Variants in DNAH17 observed in about 807,000 individuals in gnomAD.
The protein encoded by DNAH17 is axonemal beta dynein heavy chain 17.
Under a neutral mutation model 485.6 loss-of-function variants are expected in DNAH17, and 376 were observed. The observed-to-expected ratio is 0.77, with a 90% confidence interval of 0.71 to 0.84. The LOEUF is 0.84. Among genes scored for constraint, DNAH17 ranks in the 40% least tolerant of loss-of-function variants. The pLI, the probability that DNAH17 is intolerant of heterozygous loss-of-function variation, is 0.00. For synonymous variants in DNAH17, 3,031 were observed against 2,405.9 expected (o/e 1.26, Z -7.60); for missense variants, 6,370 against 5,839.3 (o/e 1.09, Z -2.96).
At position 78,437,697 on chromosome 17, in the gene DNAH17, C is replaced by A; in HGVS notation, c.11977G>T (p.Glu3993Ter). Residue 3993 changes from glutamate (E) to a stop codon, truncating the protein, a stop_gained, in exon 74 of 81, where the codon GAG (glutamate) becomes TAG (stop). Coordinates refer to ENST00000389840, the MANE Select transcript of DNAH17 (RefSeq NM_173628.4). LOFTEE classifies it high-confidence loss of function. ...TTGGCGTGCATGCCCGTGGGGGGCT[C>A]GTTGGTGATCTTGATGGCGTTCTCC... ...ILENAIKITN[E>*]PPTGMHANLH... The A allele has an allele frequency of 6.2e-7, 1 of 1,612,026 alleles. No individual in the cohort carries two copies. Among genetic ancestry groups the A allele is most frequent in the Non-Finnish European group, 8.5e-7 (1 of 1,179,560 alleles).
rs935241736 is a variant in DNAH17 at position 78,569,270 on chromosome 17, G to C, written c.1198-18C>G. 3 of 1,599,102 alleles carry C rather than the reference G, an allele frequency of 1.9e-6. No homozygotes were observed. The highest frequency in any genetic ancestry group is 2.7e-5 in the African/African-American group (2 of 74,696). On this transcript the variant is annotated intron_variant, in intron 8 of 80. Coordinates refer to ENST00000389840, the MANE Select transcript of DNAH17 (RefSeq NM_173628.4). ...TCTTTGTCCTTAGAGGAGAGAAAGAGAGATGAGGCCACGTTTGCTTCAAAT... is the reference window on the plus strand; with the variant it reads ...TCTTTGTCCTTAGAGGAGAGAAAGACAGATGAGGCCACGTTTGCTTCAAAT...
chr17:78,551,750 T>C, intron 15 of DNAH17, 112 bp from the exon 16 acceptor site: 1 of 979,442 alleles, frequency 1.0e-6, no homozygotes. Context: ...AATCACGAGG[T>C]CGGGAGTTCG....
chr17:78,523,594 G>A (rs1028936902), intron 25 of DNAH17, among the ~76,000 whole-genome samples: 2 of 152,206 alleles, frequency 1.3e-5, no homozygotes, highest in African/African-American at 2.4e-5. Flanking sequence ...GTTCACCAAG[G>A]AGGATATATA....
intron 31 of DNAH17, 83 bp from the exon 32 acceptor site, chr17:78,503,094 G>A (rs1261062786): frequency 2.2e-6 from 3 of 1,369,280 alleles, no homozygotes; most frequent in African/African-American, 1.5e-5. Flanking sequence ...TTGTTGTAAA[G>A]AAAAACATTT....
chr17:78,472,286 T>TAGGGTTAGGGAGTGGGGGTGCG (rs1225573580), intron 54 of DNAH17, among the ~76,000 whole-genome samples: 4 of 143,544 alleles, frequency 2.8e-5, no homozygotes, highest in South Asian at 2.1e-4. Flanking sequence ...GTGCGAGGGT[T>TAGGGTTAGGGAGTGGGGGTGCG]AGGGTTAGGG....
intron 56 of DNAH17, among the ~76,000 whole-genome samples, chr17:78,463,306 T>C (rs2088235668): frequency 1.3e-5 from 2 of 152,202 alleles, no homozygotes; most frequent in African/African-American, 2.4e-5. Flanking sequence ...CAGAGCTTAT[T>C]ATCATTATCT....
At chr17:78,434,294 A>T in intron 74 of DNAH17, 74 bp from the exon 75 acceptor site, 1 of 1,434,374 alleles carries the variant, frequency 7.0e-7, no homozygotes. Flanking sequence ...GAGGGTGACC[A>T]GCGTCCAGCC....
Position 78,515,030 on chromosome 17 carries a change from G to A in DNAH17, c.3865-8C>T, listed in dbSNP as rs748624476. The stretch of plus-strand genomic sequence containing the variant: ...CTCGATGCTGGTATTTACCTGAAAC[G>A]AAAACATCCCGTTTCTCCTTCCACT... On this transcript the variant is annotated splice_region_variant and splice_polypyrimidine_tract_variant and intron_variant, in intron 25 of 80. Transcript: ENST00000389840. 8.7e-6 allele frequency: 14 copies of A among 1,612,546 alleles called. No individual in the cohort carries two copies. Among genetic ancestry groups the A allele is most frequent in the African/African-American group, 2.7e-5 (2 of 74,882 alleles).
intron 17 of DNAH17, among the ~76,000 whole-genome samples, chr17:78,541,985 T>G (rs1212608677): frequency 1.3e-5 from 2 of 152,056 alleles, no homozygotes; most frequent in African/African-American, 4.8e-5. Context: ...GGTGACGATC[T>G]TTAGAGCAAT....
chr17:78,543,800 T>C, intron 17 of DNAH17, 57 bp downstream of exon 17: 1 of 1,612,246 alleles, frequency 6.2e-7, no homozygotes, highest in East Asian at 2.2e-5. Flanking sequence ...GGGTTTACTC[T>C]CTCCTCCCTG....
In DNAH17 at chr17:78,491,513, C is replaced by T; in HGVS notation, c.6599G>A (p.Trp2200Ter). 6.2e-7 allele frequency: 1 copy of T among 1,613,864 alleles called. No individual in the cohort carries two copies. The highest frequency in any genetic ancestry group is 8.5e-7 in the Non-Finnish European group (1 of 1,179,930). ...LANITHDGPK[W>*]IILDGDIDPM... ...GTCTATGTCTCCGTCAAGGATGATCCACTTGGGGCCGTCATGGGTGATGTT... is the reference window on the plus strand; with the variant it reads ...GTCTATGTCTCCGTCAAGGATGATCTACTTGGGGCCGTCATGGGTGATGTT... Residue 2200 changes from tryptophan to a stop codon, truncating the protein, a stop_gained, in exon 43 of 81, where the codon TGG becomes TAG. Transcript: ENST00000389840. LOFTEE classifies it high-confidence loss of function.
intron 41 of DNAH17, 136 bp downstream of exon 41, chr17:78,493,898 GAC>G (rs1412134043): frequency 1.6e-6 from 2 of 1,264,846 alleles, no homozygotes; most frequent in East Asian, 5.5e-5. Context: ...CCTGGCCCAT[GAC>G]TCAGGCCGGA....
chr17:78,524,282 T>A (rs988293580), intron 25 of DNAH17, among the ~76,000 whole-genome samples: 1 of 152,098 alleles, frequency 6.6e-6, no homozygotes, highest in Admixed American at 6.5e-5. Flanking sequence ...GGATTACAGG[T>A]GCACACCACC....
intron 22 of DNAH17, among the ~76,000 whole-genome samples, chr17:78,528,836 A>G (rs1384389409): frequency 6.6e-6 from 1 of 151,816 alleles, no homozygotes; most frequent in African/African-American, 2.4e-5. Context: ...CAGCTGCCTA[A>G]TCCCTCCCCA....
chr17:78,570,594 T>TCA (rs1236226296), intron 6 of DNAH17, among the ~76,000 whole-genome samples: 1 of 151,976 alleles, frequency 6.6e-6, no homozygotes, highest in East Asian at 1.9e-4. Context: ...GCGTGGTGGC[T>TCA]CACGCCTGTA....
intron 60 of DNAH17, 42 bp from the exon 61 acceptor site, chr17:78,459,250 G>A (rs933610347): frequency 6.3e-6 from 10 of 1,584,898 alleles, no homozygotes; most frequent in Non-Finnish European, 8.7e-6. Flanking sequence ...ACCCTGTCCT[G>A]CTCTGGCAAA....
At chr17:78,570,132 C>CT in intron 7 of DNAH17, 115 bp downstream of exon 7, 1 of 1,236,732 alleles carries the variant, frequency 8.1e-7, no homozygotes, top group South Asian at 1.5e-5. Context: ...CTTGTGCTGA[C>CT]ATCTTGGCCT....
intron 62 of DNAH17, among the ~76,000 whole-genome samples, chr17:78,456,558 G>A (rs748292827): frequency 3.0e-4 from 46 of 152,186 alleles, no homozygotes; most frequent in Non-Finnish European, 4.7e-4. Flanking sequence ...GCATCCAGAA[G>A]GCACCTGGCC....
chr17:78,471,566 C>T lies in DNAH17; in HGVS notation c.8512-2683G>A, dbSNP rs965526317. ...TTTTAGAGATAGGGCCTCACTCTGT[C>T]GCCCAGGCTGGAGAGCAGTGGCATG... On this transcript the variant is annotated intron_variant, in intron 54 of 80. Coordinates refer to ENST00000389840, the MANE Select transcript of DNAH17 (RefSeq NM_173628.4). Among the ~76,000 whole-genome samples, 27 of 152,276 alleles carry T rather than the reference C, an allele frequency of 1.8e-4. 2 individuals are homozygous for T. The East Asian group carries it at 2.3e-3, about 13-fold the overall frequency.
Sources: gnomAD v4.1 joint callset for allele counts (sites outside exome capture counted in the v4.1 genomes callset) on GRCh38, gnomAD v4.1.1 for gene constraint, MANE v1.5 for transcripts, NCBI Gene and HGNC (gene_info 2026-07-23, HGNC 2026-07-21) for gene names.